Variants in RYR2 observed in about 807,000 individuals in gnomAD.
RYR2 encodes cardiac muscle ryanodine receptor-calcium release channel.
A neutral mutation model predicts 601.1 loss-of-function variants in RYR2; 227 were observed. The observed-to-expected ratio is 0.38, with a 90% CI of 0.34 to 0.42. The LOEUF is 0.42. RYR2 is among the 10% of genes least tolerant of loss of function. The pLI, the probability that RYR2 is intolerant of heterozygous loss-of-function variation, is 1.00. For missense variants in RYR2, 4,646 were observed against 6,156.5 expected (o/e 0.75, Z 8.21); for synonymous variants, 2,223 against 2,175.1 (o/e 1.02, Z -0.61).
chr1:237,093,347 A>G (rs1400006575), intron 1 of RYR2, among the ~76,000 whole-genome samples: 2 of 152,192 alleles, frequency 1.3e-5, no homozygotes, highest in Non-Finnish European at 2.9e-5. Flanking sequence ...GAAGAAACTG[A>G]GACTTTCAGG....
chr1:237,719,139 C>T (rs1189813373), intron 73 of RYR2, among the ~76,000 whole-genome samples: 1 of 152,002 alleles, frequency 6.6e-6, no homozygotes, highest in Non-Finnish European at 1.5e-5. Flanking sequence ...CACCTGTAGT[C>T]CCAGCTACTT....
chr1:237,133,303 A>T (rs1672356320), intron 1 of RYR2, among the ~76,000 whole-genome samples: 1 of 152,174 alleles, frequency 6.6e-6, no homozygotes, highest in African/African-American at 2.4e-5. Context: ...CAAGAAAGTG[A>T]CAGACTACTT....
intron 3 of RYR2, among the ~76,000 whole-genome samples, chr1:237,342,638 T>C (rs2149622982): frequency 1.3e-5 from 2 of 152,274 alleles, no homozygotes; most frequent in Admixed American, 1.3e-4. Flanking sequence ...ACAAACTGAT[T>C]ACTTTCATGT....
chr1:237,447,435 TA>T (rs1323504032), intron 14 of RYR2, among the ~76,000 whole-genome samples: 7 of 152,210 alleles, frequency 4.6e-5, no homozygotes, highest in African/African-American at 1.7e-4. Flanking sequence ...GATTCTGTGA[TA>T]AAAAATGTTG....
At chr1:237,680,636 G>C in intron 62 of RYR2, 59 bp downstream of exon 62, 1 of 1,383,250 alleles carries the variant, frequency 7.2e-7, no homozygotes, top group South Asian at 1.3e-5. Flanking sequence ...CAGTTGCAAA[G>C]AAAACCTGAG....
At chr1:237,448,111 G>C (rs868151059) in intron 14 of RYR2, among the ~76,000 whole-genome samples, 1 of 151,918 alleles carries the variant, frequency 6.6e-6, no homozygotes, top group African/African-American at 2.4e-5. Flanking sequence ...ATTTTTAGTA[G>C]AGACGTGGTT....
In RYR2 at chr1:237,376,735, T is replaced by C. The variant is rs1701064862; in HGVS notation, c.464-588T>C. ...GTAAACCAAGATCTTTTATAATTCATTTTTCTTTAGAAGGATTCTCTTATA... is the reference window on the plus strand; with the variant it reads ...GTAAACCAAGATCTTTTATAATTCACTTTTCTTTAGAAGGATTCTCTTATA... On this transcript the variant is annotated intron_variant, in intron 7 of 104. Coordinates refer to ENST00000366574, the MANE Select transcript of RYR2 (RefSeq NM_001035.3). Among the ~76,000 whole-genome samples the C allele has an allele frequency of 4.6e-5, 7 of 152,170 alleles. No homozygotes were observed. The South Asian group carries it at 1.4e-3, about 32-fold the overall frequency.
Position 237,262,245 on chromosome 1 carries a change from G to GTTTTTTTTTTTTTTTTTTT in RYR2, c.49-8243_49-8225dup, listed in dbSNP as rs386370106. Among the ~76,000 whole-genome samples the GTTTTTTTTTTTTTTTTTTT allele has an allele frequency of 3.8e-4, 23 of 61,102 alleles. 6 individuals are homozygous for GTTTTTTTTTTTTTTTTTTT. The highest frequency in any genetic ancestry group is 0.022 in the Middle Eastern group (1 of 46). The allele number at this position is 61,102 out of a possible 152,430, so 40.1% of individuals were successfully genotyped here. On this transcript the variant is annotated intron_variant, in intron 1 of 104. Transcript: ENST00000366574. ...AAATATTAGATCTCTGTTCTAAAGAGTTTTTTTTTTTTTTTTTTTTTTTTT... is the reference window on the plus strand; with the variant it reads ...AAATATTAGATCTCTGTTCTAAAGAGTTTTTTTTTTTTTTTTTTTTTTTTTTTTTTTTTTTTTTTTTTTT...
intron 3 of RYR2, among the ~76,000 whole-genome samples, chr1:237,353,292 T>G (rs1699022189): frequency 6.6e-6 from 1 of 152,034 alleles, no homozygotes. Flanking sequence ...GTGGATCACT[T>G]GAGGTCAGGA....
intron 29 of RYR2, among the ~76,000 whole-genome samples, chr1:237,575,730 T>G (rs1208540961): frequency 6.6e-6 from 1 of 152,234 alleles, no homozygotes; most frequent in Non-Finnish European, 1.5e-5. Flanking sequence ...CTTTCAGTAC[T>G]TTAGCAACCA....
In RYR2 at chr1:237,785,954, A is replaced by G; in HGVS notation, c.13261-15A>G. The G allele has an allele frequency of 6.4e-7, 1 of 1,570,938 alleles. No homozygotes were observed. Among genetic ancestry groups the G allele is most frequent in the Non-Finnish European group, 8.7e-7 (1 of 1,150,344 alleles). ...GGGTAATCCTGGTTTTCTTTTCCCCATTGACTCATTCAAGGAACAGAAGGC... is the reference window on the plus strand; with the variant it reads ...GGGTAATCCTGGTTTTCTTTTCCCCGTTGACTCATTCAAGGAACAGAAGGC... On this transcript the variant is annotated splice_polypyrimidine_tract_variant and intron_variant, in intron 90 of 104. Coordinates refer to ENST00000366574, the MANE Select transcript of RYR2 (RefSeq NM_001035.3).
chr1:237,621,538 A>G (rs2148635199), intron 38 of RYR2, among the ~76,000 whole-genome samples: 1 of 152,256 alleles, frequency 6.6e-6, no homozygotes, highest in African/African-American at 2.4e-5. Flanking sequence ...GAAGATACAA[A>G]TTACCCATAC....
At chr1:237,339,172 T>C (rs1189888774) in intron 3 of RYR2, among the ~76,000 whole-genome samples, 1 of 152,046 alleles carries the variant, frequency 6.6e-6, no homozygotes, top group Non-Finnish European at 1.5e-5. Context: ...TACCTGCCAC[T>C]GAAGAGACTA....
At chr1:237,580,331 A>G (rs1030639878) in intron 29 of RYR2, among the ~76,000 whole-genome samples, 1 of 151,112 alleles carries the variant, frequency 6.6e-6, no homozygotes, top group Non-Finnish European at 1.5e-5. Context: ...AATTTTTTGT[A>G]TTTTTTGTAG....
chr1:237,320,532 C>A (rs1695527002), intron 2 of RYR2, among the ~76,000 whole-genome samples: 1 of 152,192 alleles, frequency 6.6e-6, no homozygotes, highest in South Asian at 2.1e-4. Context: ...CTCCAGATCA[C>A]CTGCTGTTAA....
At chr1:237,166,892 C>T (rs1273276154) in intron 1 of RYR2, among the ~76,000 whole-genome samples, 1 of 152,174 alleles carries the variant, frequency 6.6e-6, no homozygotes, top group African/African-American at 2.4e-5. Context: ...ACAAGAAAAT[C>T]AGTAGTCACC....
intron 51 of RYR2, among the ~76,000 whole-genome samples, chr1:237,652,787 T>G (rs1320824277): frequency 6.6e-6 from 1 of 152,194 alleles, no homozygotes; most frequent in Admixed American, 6.5e-5. Context: ...AATAAAACTC[T>G]TTTACATTAG....
At chr1:237,270,733 A>G (rs149325619) in intron 2 of RYR2, 117 bp downstream of exon 2, 3 of 1,150,104 alleles carry the variant, frequency 2.6e-6, no homozygotes, top group East Asian at 2.6e-5. Context: ...TGAAAGGGAT[A>G]TAACAATGTT....
At chr1:237,289,729 G>A (rs2149414318) in intron 2 of RYR2, among the ~76,000 whole-genome samples, 1 of 152,146 alleles carries the variant, frequency 6.6e-6, no homozygotes, top group South Asian at 2.1e-4. Context: ...TTTATATAAA[G>A]GATACATTTT....
Sources: allele counts gnomAD v4.1 joint callset (sites outside exome capture counted in the v4.1 genomes callset), GRCh38; gene constraint gnomAD v4.1.1; transcripts MANE v1.5; gene names NCBI Gene and HGNC (gene_info 2026-07-23, HGNC 2026-07-21).